Variants in NFIA observed in about 807,000 individuals in gnomAD.
The protein encoded by NFIA is nuclear factor I A, also known as nuclear factor 1 A-type.
Under a neutral mutation model 62.8 loss-of-function variants are expected in NFIA, and 8 were observed. The ratio of observed to expected loss-of-function variants is 0.13; its 90% CI spans 0.07 to 0.23. The LOEUF is 0.23. NFIA is among the 10% of genes least tolerant of loss of function. The pLI is 1.00. For synonymous variants in NFIA, 235 were observed against 238.1 expected (o/e 0.99, Z 0.12); for missense variants, 410 against 642.1 (o/e 0.64, Z 3.91).
rs183704030 is a variant in NFIA, at chr1:61,360,264, G to T, written c.946+990G>T. Among the ~76,000 whole-genome samples the T allele has an allele frequency of 2.0e-3, 304 of 152,226 alleles. 8 individuals are homozygous for T. Among genetic ancestry groups the T allele is most frequent in the Non-Finnish European group, 5.1e-4 (35 of 68,016 alleles). ...TGAAACCCTTTCCAATGTCTAACAC[G>T]TGGTTTAGAGGGAATCTTCTCCAAA... On this transcript the variant is annotated intron_variant, in intron 6 of 10. Transcript: ENST00000403491.
intron 2 of NFIA, among the ~76,000 whole-genome samples, chr1:61,145,493 T>G (rs1413238515): frequency 2.6e-5 from 4 of 152,212 alleles, no homozygotes; most frequent in African/African-American, 7.2e-5. Flanking sequence ...AAGTATTAAT[T>G]GAGTATCTAC....
At chr1:61,334,040 G>A (rs541793600) in intron 4 of NFIA, among the ~76,000 whole-genome samples, 14 of 152,212 alleles carry the variant, frequency 9.2e-5, no homozygotes, top group African/African-American at 3.1e-4. Flanking sequence ...CGGATAAATC[G>A]TTAAGCTAAG....
intron 3 of NFIA, among the ~76,000 whole-genome samples, chr1:61,294,963 T>C (rs1659110062): frequency 6.6e-6 from 1 of 152,188 alleles, no homozygotes; most frequent in Non-Finnish European, 1.5e-5. Context: ...CCTTGCTATG[T>C]TGGGGTGGGT....
intron 2 of NFIA, among the ~76,000 whole-genome samples, chr1:61,199,306 A>G (rs1652254787): frequency 6.6e-6 from 1 of 152,250 alleles, no homozygotes; most frequent in South Asian, 2.1e-4. Context: ...AGCAAAAAAG[A>G]CATACTGCTG....
At chr1:61,225,257 CTT>C (rs200678109) in intron 2 of NFIA, among the ~76,000 whole-genome samples, 1 of 144,576 alleles carries the variant, frequency 6.9e-6, no homozygotes. Flanking sequence ...GTCCATAGTA[CTT>C]TTTTTTTTTT....
intron 2 of NFIA, among the ~76,000 whole-genome samples, chr1:61,127,369 A>C (rs537871425): frequency 6.6e-6 from 1 of 151,552 alleles, no homozygotes; most frequent in African/African-American, 2.4e-5. Flanking sequence ...AGGCAGGAGA[A>C]TTGCTTGAAC....
intron 6 of NFIA, among the ~76,000 whole-genome samples, chr1:61,378,187 A>C (rs1198088723): frequency 6.6e-6 from 1 of 152,180 alleles, no homozygotes; most frequent in African/African-American, 2.4e-5. Flanking sequence ...TGTGATATCA[A>C]ATTGCAGTGA....
intron 2 of NFIA, among the ~76,000 whole-genome samples, chr1:61,209,125 T>C (rs1199075364): frequency 6.6e-6 from 1 of 152,126 alleles, no homozygotes; most frequent in Non-Finnish European, 1.5e-5. Flanking sequence ...AGTTTTGTTT[T>C]TTTTTTCCCC....
At chr1:61,256,126 C>CA (rs1189495834) in intron 2 of NFIA, among the ~76,000 whole-genome samples, 3 of 151,956 alleles carry the variant, frequency 2.0e-5, no homozygotes, top group Admixed American at 1.3e-4. Context: ...ACAAAAATCG[C>CA]AAAAAAATCT....
At chr1:61,204,910 T>A (rs75481391) in intron 2 of NFIA, among the ~76,000 whole-genome samples, 9,025 of 152,290 alleles carry the variant, frequency 0.059, 296 homozygotes, top group Non-Finnish European at 0.069. Context: ...CTCCATGACT[T>A]TTTACTTGGC....
At chr1:61,423,544 A>G (rs1334021431) in intron 9 of NFIA, among the ~76,000 whole-genome samples, 4 of 152,204 alleles carry the variant, frequency 2.6e-5, no homozygotes, top group Non-Finnish European at 5.9e-5. Flanking sequence ...ATTAAGAAAG[A>G]TATGAATATG....
At chr1:61,228,314 G>T (rs1036658980) in intron 2 of NFIA, among the ~76,000 whole-genome samples, 1 of 152,134 alleles carries the variant, frequency 6.6e-6, no homozygotes, top group Non-Finnish European at 1.5e-5. Context: ...CAACAAAGCC[G>T]TGAGCAAGGT....
At chr1:61,270,614 A>G (rs1413912628) in intron 2 of NFIA, among the ~76,000 whole-genome samples, 1 of 152,252 alleles carries the variant, frequency 6.6e-6, no homozygotes, top group Non-Finnish European at 1.5e-5. Flanking sequence ...ATTAAGTAGT[A>G]TAGATGGCTG....
chr1:61,437,334 G>T (rs1325859095), intron 10 of NFIA, among the ~76,000 whole-genome samples: 1 of 152,172 alleles, frequency 6.6e-6, no homozygotes, highest in Non-Finnish European at 1.5e-5. Flanking sequence ...GTCTAATAAG[G>T]GAACTGACCA....
intron 2 of NFIA, among the ~76,000 whole-genome samples, chr1:61,254,469 C>G (rs527545886): frequency 1.3e-5 from 2 of 152,168 alleles, no homozygotes; most frequent in South Asian, 4.2e-4. Context: ...CTGGCACTGC[C>G]CTAGGTTTAA....
chr1:61,355,281 G>A (rs1662872767), intron 5 of NFIA, among the ~76,000 whole-genome samples: 1 of 151,984 alleles, frequency 6.6e-6, no homozygotes, highest in Non-Finnish European at 1.5e-5. Context: ...GTTAGAAAGA[G>A]CAAGAAACCA....
chr1:61,155,445 G>A (rs986372284), intron 2 of NFIA, among the ~76,000 whole-genome samples: 3 of 151,076 alleles, frequency 2.0e-5, no homozygotes, highest in African/African-American at 4.9e-5. Context: ...AGGCCGAGGC[G>A]GGTGGATCAT....
At chr1:61,320,919 A>G (rs1557704679) in intron 3 of NFIA, among the ~76,000 whole-genome samples, 1 of 152,116 alleles carries the variant, frequency 6.6e-6, no homozygotes, top group Non-Finnish European at 1.5e-5. Context: ...TCCCTAGTAT[A>G]TGTAAAAGTT....
intron 2 of NFIA, among the ~76,000 whole-genome samples, chr1:61,198,899 GA>G (rs1652218393): frequency 6.6e-6 from 1 of 152,144 alleles, no homozygotes; most frequent in Non-Finnish European, 1.5e-5. Flanking sequence ...AAAAGGCAGA[GA>G]CCTCACCACC....
Sources: gnomAD v4.1 joint callset for allele counts (sites outside exome capture counted in the v4.1 genomes callset) on GRCh38, gnomAD v4.1.1 for gene constraint, MANE v1.5 for transcripts, NCBI Gene and HGNC (gene_info 2026-07-23, HGNC 2026-07-21) for gene names.